RBM24: variants seen among roughly 807,000 people sequenced by gnomAD.
RBM24 encodes RNA-binding protein 24.
Under a neutral mutation model 23.6 loss-of-function variants are expected in RBM24, and 5 were observed. The ratio of observed to expected loss-of-function variants is 0.21; its 90% CI spans 0.11 to 0.45. RBM24 has a LOEUF of 0.45. Among genes scored for constraint, RBM24 ranks in the 20% least tolerant of loss-of-function variants. The pLI, the probability that RBM24 is intolerant of heterozygous loss-of-function variation, is 0.99. For synonymous variants in RBM24, 151 were observed against 129.5 expected, an observed-to-expected ratio of 1.17 and a Z score of -1.13; for missense variants, 252 against 314.6, an observed-to-expected ratio of 0.80 and a Z score of 1.51.
At position 17,291,912 on chromosome 6, in the gene RBM24, C is replaced by T. The variant is rs374821706; in HGVS notation, c.504C>T (p.Ala168=). 2.6e-4 allele frequency: 425 copies of T among 1,613,328 alleles called. No homozygotes were observed. The highest frequency in any genetic ancestry group is 3.3e-4 in the Non-Finnish European group (384 of 1,179,826). ...ACTCAGCAGCTGCTGCTGCTGCCGCCGCCGCTGCTGCCTATGACCAGTACC... is the reference window on the plus strand; with the variant it reads ...ACTCAGCAGCTGCTGCTGCTGCCGCTGCCGCTGCTGCCTATGACCAGTACC... ...AQYSAAAAAA[A]AAAAYDQYPY... is the part of the protein sequence containing the mutation. Residue 168 remains alanine, a synonymous_variant, in exon 4 of 4, where the codon GCC becomes GCT. Coordinates refer to ENST00000379052, the MANE Select transcript of RBM24 (RefSeq NM_001143942.2).
At chr6:17,289,166 G>A in intron 3 of RBM24, 1 of 985,410 alleles carries the variant, frequency 1.0e-6, no homozygotes, top group African/African-American at 1.7e-5. Flanking sequence ...ATTGGTAAAT[G>A]TCTAATAGGA....
At chr6:17,287,000 C>T (rs1170545378) in intron 3 of RBM24, among the ~76,000 whole-genome samples, 1 of 152,192 alleles carries the variant, frequency 6.6e-6, no homozygotes, top group East Asian at 1.9e-4. Flanking sequence ...TTGTTTTTCA[C>T]CTCTTCTAAT....
rs754458228 is a variant in RBM24, at chr6:17,292,041, CGCCGCTGCAGCAGCTGCT to C, written c.646_663del (p.Ala216_Ala221del). 1.2e-4 allele frequency: 189 copies of C among 1,596,954 alleles called. No individual in the cohort carries two copies. Among genetic ancestry groups the C allele is most frequent in the Admixed American group, 3.5e-4 (21 of 59,790 alleles). On this transcript the variant is annotated inframe_deletion, in exon 4 of 4. Coordinates refer to ENST00000379052, the MANE Select transcript of RBM24 (RefSeq NM_001143942.2). ...CAGCGGCACCTGGGACAGCTGCCGC[CGCCGCTGCAGCAGCTGCT>C]GCCGCTGCAGCATTTGGCCAGTACC...
chr6:17,291,641 T>C (rs117948774), intron 3 of RBM24, 115 bp from the exon 4 acceptor site: 36 of 1,150,866 alleles, frequency 3.1e-5, no homozygotes, highest in Non-Finnish European at 3.8e-5. Context: ...AAAGTAGATA[T>C]TGTGGCAACC....
At chr6:17,287,859 A>G (rs1760243021) in intron 3 of RBM24, among the ~76,000 whole-genome samples, 1 of 152,014 alleles carries the variant, frequency 6.6e-6, no homozygotes, top group African/African-American at 2.4e-5. Flanking sequence ...ATGAGGTTGA[A>G]CATACACTTA....
chr6:17,286,187 A>ATTTTTT (rs11437494), intron 3 of RBM24, among the ~76,000 whole-genome samples: 1 of 132,706 alleles, frequency 7.5e-6, no homozygotes, highest in Non-Finnish European at 1.6e-5. Context: ...AACTACTACT[A>ATTTTTT]TTTTTTTTTT....
At chr6:17,284,976 A>G (rs1225585643) in intron 3 of RBM24, 1 of 326,552 alleles carries the variant, frequency 3.1e-6, no homozygotes, top group Non-Finnish European at 5.5e-6. Flanking sequence ...TGACTTGTGT[A>G]CAAGACGATT....
At chr6:17,287,311 G>T (rs1233244264) in intron 3 of RBM24, among the ~76,000 whole-genome samples, 2 of 152,180 alleles carry the variant, frequency 1.3e-5, no homozygotes, top group Non-Finnish European at 2.9e-5. Context: ...TTTGAATGTG[G>T]TCCTTAAATG....
chr6:17,283,059 T>C (rs1444128434), intron 2 of RBM24, 131 bp downstream of exon 2: 1 of 657,160 alleles, frequency 1.5e-6, no homozygotes, highest in African/African-American at 1.8e-5. Flanking sequence ...TGGCTTGTTA[T>C]TCTACCAAGG....
chr6:17,288,837 T>C, intron 3 of RBM24: 1 of 985,466 alleles, frequency 1.0e-6, no homozygotes, highest in Non-Finnish European at 1.2e-6. Flanking sequence ...TGTTTTGGCC[T>C]AGAATGCCAA....
At chr6:17,290,059 T>TACA (rs746883753) in intron 3 of RBM24, 159 of 1,289,304 alleles carry the variant, frequency 1.2e-4, no homozygotes, top group Non-Finnish European at 4.9e-5. Flanking sequence ...GGGAAACATC[T>TACA]ACAAGTCTGG....
intron 3 of RBM24, 105 bp from the exon 4 acceptor site, chr6:17,291,651 C>G: frequency 1.6e-6 from 2 of 1,256,364 alleles, no homozygotes; most frequent in East Asian, 2.3e-5. Flanking sequence ...TTGTGGCAAC[C>G]CTATGCTCAT....
chr6:17,282,645 T>C, intron 1 of RBM24, 160 bp from the exon 2 acceptor site: 1 of 216,494 alleles, frequency 4.6e-6, no homozygotes, highest in African/African-American at 5.2e-5. Context: ...CTGTTAAAAA[T>C]GGGAGATCAA....
rs114830669 is a variant in RBM24, at chr6:17,288,196, G to T, written c.347+3485G>T. On this transcript the variant is annotated intron_variant, in intron 3 of 3. Transcript: ENST00000379052. Reference sequence around the variant, plus strand: ...CATGGTCTGCCTGACCTCAGAAGCTGCAGTCTTTCCTCTTTGTCAAGCTGT... The same window carrying T: ...CATGGTCTGCCTGACCTCAGAAGCTTCAGTCTTTCCTCTTTGTCAAGCTGT... 715 of 968,042 alleles carry T rather than the reference G, an allele frequency of 7.4e-4. 6 individuals carry two copies. The African/African-American group carries it at 0.011, about 15-fold the overall frequency. The allele number at this position is 968,042 out of a possible 1,614,324, so 60.0% of individuals were successfully genotyped here.
intron 3 of RBM24, among the ~76,000 whole-genome samples, chr6:17,287,365 A>G (rs1760226688): frequency 6.6e-6 from 1 of 152,346 alleles, no homozygotes; most frequent in African/African-American, 2.4e-5. Context: ...ACCTTGGCCT[A>G]AAAGGAATTT....
intron 3 of RBM24, chr6:17,289,297 G>A (rs1423427875): frequency 1.0e-6 from 1 of 985,240 alleles, no homozygotes; most frequent in Non-Finnish European, 1.2e-6. Flanking sequence ...CCTGACCCAG[G>A]ATATTTTAGG....
At chr6:17,290,772 T>C in intron 3 of RBM24, 1 of 920,588 alleles carries the variant, frequency 1.1e-6, no homozygotes, top group Non-Finnish European at 1.5e-6. Context: ...TTAGAAATAT[T>C]TAGTTGTACT....
rs1017035592 is a variant in RBM24, at chr6:17,292,411, A to C, written c.*292A>C. ...GTAACAACGGAACTTCACTTTTGTAACGGGATTTTTATTTTTGCTCTTTTT... is the reference window on the plus strand; with the variant it reads ...GTAACAACGGAACTTCACTTTTGTACCGGGATTTTTATTTTTGCTCTTTTT... On this transcript the variant is annotated 3_prime_UTR_variant, in exon 4 of 4. Coordinates refer to ENST00000379052, the MANE Select transcript of RBM24 (RefSeq NM_001143942.2). The C allele has an allele frequency of 8.5e-5, 19 of 222,338 alleles. No homozygotes were observed. The highest frequency in any genetic ancestry group is 1.5e-4 in the Non-Finnish European group (17 of 114,280). 13.8% of individuals were successfully genotyped at this position (222,338 alleles called of 1,614,324 possible). A position where few individuals can be genotyped will look rare whatever the true frequency, so the allele number is the denominator to read the frequency against.
rs1188524281 is a variant in RBM24 at position 17,293,229 on chromosome 6, TA to T, written c.*1111del. ...TAATAGTAATGCTATTTAAGATATT[TA>T]TTTTTAAGTTTTACTATGCTGCACT... On this transcript the variant is annotated 3_prime_UTR_variant, in exon 4 of 4. Coordinates refer to ENST00000379052, the MANE Select transcript of RBM24 (RefSeq NM_001143942.2). 1 of 152,654 alleles carries T rather than the reference TA, an allele frequency of 6.6e-6. No homozygotes were observed. Among genetic ancestry groups the T allele is most frequent in the East Asian group, 1.9e-4 (1 of 5,200 alleles). The allele number at this position is 152,654 out of a possible 1,614,324, so 9.5% of individuals were successfully genotyped here.
Sources: gnomAD v4.1 joint callset for allele counts (sites outside exome capture counted in the v4.1 genomes callset) on GRCh38, gnomAD v4.1.1 for gene constraint, MANE v1.5 for transcripts, NCBI Gene and HGNC (gene_info 2026-07-23, HGNC 2026-07-21) for gene names.